Variants in CACNA1D observed in about 807,000 individuals in gnomAD.
CACNA1D encodes the protein voltage-dependent L-type calcium channel subunit alpha-1D.
CACNA1D carries 55 observed loss-of-function variants against 257.1 expected under a neutral mutation model. The observed-to-expected ratio is 0.21, with a 90% CI of 0.17 to 0.27. The LOEUF (loss-of-function observed/expected upper bound fraction) is 0.27. Among genes scored for constraint, CACNA1D ranks in the 10% least tolerant of loss-of-function variants. CACNA1D has a pLI of 1.00. For missense variants in CACNA1D, 1,876 were observed against 2,784.0 expected (o/e 0.67, Z 7.34); for synonymous variants, 980 against 1,014.9 (o/e 0.97, Z 0.65).
chr3:53,798,993 C>T (rs2095522215), intron 40 of CACNA1D, among the ~76,000 whole-genome samples: 1 of 152,232 alleles, frequency 6.6e-6, no homozygotes, highest in East Asian at 1.9e-4. Context: ...GAAGCGGTCT[C>T]CTCTCCGAGG....
chr3:53,665,888 G>A, intron 6 of CACNA1D, 76 bp downstream of exon 6: 1 of 1,223,466 alleles, frequency 8.2e-7, no homozygotes, highest in African/African-American at 1.5e-5. Flanking sequence ...ATGGTTTGGG[G>A]AAAATCTAAA....
rs116760109 is a variant in CACNA1D, at chr3:53,662,894, A to G, written c.766+2619A>G. ...GCTAACTGCTGGGGGTTAGTTTTGC[A>G]TGGCCCATTGGTGTCTCAAGAAAAC... On this transcript the variant is annotated intron_variant, in intron 5 of 47. Transcript: ENST00000350061. Among the ~76,000 whole-genome samples the G allele has an allele frequency of 2.8e-3, 421 of 152,344 alleles. 1 individual carries two copies. The highest frequency in any genetic ancestry group is 0.017 in the Middle Eastern group (5 of 294).
intron 3 of CACNA1D, among the ~76,000 whole-genome samples, chr3:53,638,655 G>T (rs2093913897): frequency 6.6e-6 from 1 of 152,236 alleles, no homozygotes; most frequent in Admixed American, 6.5e-5. Flanking sequence ...TGAAGAAGCT[G>T]CAGTGAGGAG....
chr3:53,583,705 C>G (rs973735422), intron 3 of CACNA1D, among the ~76,000 whole-genome samples: 3 of 152,172 alleles, frequency 2.0e-5, no homozygotes, highest in Non-Finnish European at 4.4e-5. Flanking sequence ...AGGTGCCCAG[C>G]AGAGGGTAGG....
At chr3:53,740,815 T>C (rs904822520) in intron 21 of CACNA1D, among the ~76,000 whole-genome samples, 2 of 152,240 alleles carry the variant, frequency 1.3e-5, no homozygotes, top group African/African-American at 2.4e-5. Flanking sequence ...CCACCCTTTC[T>C]GACATCAAAG....
intron 9 of CACNA1D, among the ~76,000 whole-genome samples, chr3:53,716,135 T>C (rs774729624): frequency 3.9e-5 from 6 of 152,234 alleles, no homozygotes; most frequent in Non-Finnish European, 8.8e-5. Context: ...CTAATGTTCC[T>C]ACATGATCAA....
chr3:53,770,642 CCT>C (rs766271339), intron 32 of CACNA1D, 90 bp downstream of exon 32: 76 of 1,218,504 alleles, frequency 6.2e-5, no homozygotes, highest in Middle Eastern at 2.2e-4. Flanking sequence ...CCAGGCTCCC[CCT>C]GTGTGGCCAC....
chr3:53,783,255 C>T (rs576651562), intron 39 of CACNA1D: 2 of 152,382 alleles, frequency 1.3e-5, no homozygotes, highest in East Asian at 1.9e-4. Context: ...GAAATGCCCT[C>T]GGAGGGTGTC....
chr3:53,696,738 A>G (rs527303884), intron 8 of CACNA1D, among the ~76,000 whole-genome samples: 2 of 152,304 alleles, frequency 1.3e-5, no homozygotes, highest in South Asian at 4.1e-4. Flanking sequence ...AAAAGCTCAC[A>G]GGGTTGCGGA....
chr3:53,769,701 T>G (rs2095355902), intron 30 of CACNA1D, among the ~76,000 whole-genome samples: 1 of 152,218 alleles, frequency 6.6e-6, no homozygotes, highest in Non-Finnish European at 1.5e-5. Context: ...TGTTGAGGTC[T>G]TGCAGCACTG....
chr3:53,511,876 C>T (rs929581357), intron 3 of CACNA1D, among the ~76,000 whole-genome samples: 7 of 152,068 alleles, frequency 4.6e-5, no homozygotes, highest in Non-Finnish European at 8.8e-5. Flanking sequence ...CCCCTGCCCC[C>T]GTAAAACCAT....
intron 20 of CACNA1D, among the ~76,000 whole-genome samples, chr3:53,736,255 C>T (rs1348822397): frequency 1.3e-5 from 2 of 152,032 alleles, no homozygotes; most frequent in Non-Finnish European, 2.9e-5. Context: ...GGAGGAGGAT[C>T]GCTTGGGCCC....
Position 53,776,040 on chromosome 3 carries a change from T to C in CACNA1D, c.4357T>C (p.Phe1453Leu). The C allele has an allele frequency of 6.2e-7, 1 of 1,613,996 alleles. No individual in the cohort carries two copies. The highest frequency in any genetic ancestry group is 8.5e-7 in the Non-Finnish European group (1 of 1,179,870). The change falls in exon 35 of 48, where the codon TTT becomes CTT. Residue 1453 changes from phenylalanine to leucine, a missense_variant. Phe to Leu is a conservative substitution (Grantham distance 22). This residue lies in a region of CACNA1D where 83 missense variants were observed against 210.7 expected (regional missense o/e 0.39). Coordinates refer to ENST00000350061, the MANE Select transcript of CACNA1D (RefSeq NM_001128840.3). ...YFISFYMLCA[F>L]LIINLFVAVI... ...CATCAGTTTTTACATGCTCTGTGCA[T>C]TTCTGGTAAGTGAGCAACACAGCTC...
At chr3:53,695,550 G>A (rs2094565964) in intron 8 of CACNA1D, among the ~76,000 whole-genome samples, 1 of 152,210 alleles carries the variant, frequency 6.6e-6, no homozygotes, top group Non-Finnish European at 1.5e-5. Context: ...TCCACATGAG[G>A]GGAGATGATT....
At chr3:53,771,007 T>A (rs1213309113) in intron 32 of CACNA1D, among the ~76,000 whole-genome samples, 1 of 152,220 alleles carries the variant, frequency 6.6e-6, no homozygotes, top group Non-Finnish European at 1.5e-5. Context: ...GCACTATCAC[T>A]GGGTTATCCT....
At chr3:53,768,146 G>A (rs1325208171) in intron 30 of CACNA1D, among the ~76,000 whole-genome samples, 2 of 152,222 alleles carry the variant, frequency 1.3e-5, no homozygotes, top group African/African-American at 4.8e-5. Context: ...GCCGTGGATG[G>A]CGTATCAGAC....
chr3:53,690,630 G>A (rs907057701), intron 8 of CACNA1D, among the ~76,000 whole-genome samples: 2 of 152,220 alleles, frequency 1.3e-5, no homozygotes, highest in Admixed American at 1.3e-4. Context: ...CTCTCTAGAT[G>A]CAGCTCACAG....
chr3:53,748,903 A>G (rs889406376), intron 26 of CACNA1D, among the ~76,000 whole-genome samples: 1 of 152,042 alleles, frequency 6.6e-6, no homozygotes, highest in Non-Finnish European at 1.5e-5. Context: ...CTTTGGAACT[A>G]CTCTGGTTGG....
At chr3:53,805,171 G>A in intron 45 of CACNA1D, 25 bp downstream of exon 45, 1 of 1,609,776 alleles carries the variant, frequency 6.2e-7, no homozygotes, top group Non-Finnish European at 8.5e-7. Flanking sequence ...TTTGTTTTGG[G>A]TGGAACCTCC....
Sources: allele counts gnomAD v4.1 joint callset (sites outside exome capture counted in the v4.1 genomes callset), GRCh38; gene constraint gnomAD v4.1.1; regional missense constraint gnomAD v4.1.1; transcripts MANE v1.5; gene names NCBI Gene and HGNC (gene_info 2026-07-23, HGNC 2026-07-21).